The following MAN1B1 variants were observed in gnomAD, a reference collection of about 807,000 sequenced individuals.
MAN1B1 encodes endoplasmic reticulum mannosyl-oligosaccharide 1,2-alpha-mannosidase.
Under a neutral mutation model 75.5 loss-of-function variants are expected in MAN1B1, and 66 were observed. That is an observed-to-expected ratio of 0.87 (90% CI 0.72 to 1.07). The LOEUF is 1.07. Ranked by LOEUF, MAN1B1 falls within the 50% of genes least tolerant of loss-of-function variation. The probability of loss-of-function intolerance (pLI) is 0.00; values close to 1 mark genes in which losing one functional copy is unlikely to be tolerated. For synonymous variants in MAN1B1, 453 were observed against 382.8 expected, an observed-to-expected ratio of 1.18 and a Z score of -2.14; for missense variants, 973 against 912.5, an observed-to-expected ratio of 1.07 and a Z score of -0.85.
intron 5 of MAN1B1, among the ~76,000 whole-genome samples, chr9:137,098,733 T>C (rs1830726172): frequency 6.6e-6 from 1 of 152,056 alleles, no homozygotes; most frequent in Non-Finnish European, 1.5e-5. Context: ...TGGCCGGGCG[T>C]GGTGGCTCAC....
Position 137,106,824 on chromosome 9 carries a change from G to C in MAN1B1, c.1566+15G>C, listed in dbSNP as rs368194212. 6.2e-7 allele frequency: 1 copy of C among 1,611,810 alleles called. No homozygotes were observed. Among genetic ancestry groups the C allele is most frequent in the African/African-American group, 1.3e-5 (1 of 74,926 alleles). ...GTGCCAAGATGGTGAGTGTGTCTGC[G>C]GGGCCTTCCGGCCGCCGCCCCTTTT... is the stretch of plus-strand genomic sequence containing the variant. On this transcript the variant is annotated intron_variant, in intron 10 of 12. Coordinates refer to ENST00000371589, the MANE Select transcript of MAN1B1 (RefSeq NM_016219.5).
rs1358165143 is a variant in MAN1B1 at position 137,107,330 on chromosome 9, C to G, written c.1647C>G (p.Ala549=). Residue 549 remains alanine (A), a synonymous_variant, in exon 11 of 13, where the codon GCC becomes GCG. Transcript: ENST00000371589. ...HGLPASHMEL[A]QELMETCYQM... is the part of the protein sequence containing the mutation. ...TGCCCGCCAGCCACATGGAGCTGGCCCAGGAGCTCATGGAGACTTGTTACC... is the reference window on the plus strand; with the variant it reads ...TGCCCGCCAGCCACATGGAGCTGGCGCAGGAGCTCATGGAGACTTGTTACC... The G allele has an allele frequency of 2.5e-6, 4 of 1,613,258 alleles. No individual in the cohort carries two copies. In the South Asian group the frequency reaches 4.4e-5, roughly 18 times the overall value.
In MAN1B1 at chr9:137,106,242, C is replaced by G; in HGVS notation, c.1372C>G (p.Leu458Val). 6.3e-7 allele frequency: 1 copy of G among 1,596,480 alleles called. No homozygotes were observed. The highest frequency in any genetic ancestry group is 8.5e-7 in the Non-Finnish European group (1 of 1,171,968). The change falls in exon 9 of 13, where the codon CTG (leucine) becomes GTG (valine). Residue 458 changes from leucine to valine, a missense_variant. Transcript: ENST00000371589. ...CTTCACCCACCTGGGCGTATTCACG[C>G]TGGGCGCCAGGGCCGACAGCTACTA... ...GLFTHLGVFT[L>V]GARADSYYEY...
rs1360494188 is a variant in MAN1B1, at chr9:137,099,606, G to A, written c.731-90G>A. On this transcript the variant is annotated intron_variant, in intron 5 of 12. Coordinates refer to ENST00000371589, the MANE Select transcript of MAN1B1 (RefSeq NM_016219.5). ...ACCCACCGTCATCTTTGCCCCATGGGGGTCACAGCAGTGCTCTGCCTGAGG... is the reference window on the plus strand; with the variant it reads ...ACCCACCGTCATCTTTGCCCCATGGAGGTCACAGCAGTGCTCTGCCTGAGG... The A allele has an allele frequency of 5.0e-6, 7 of 1,402,032 alleles. No homozygotes were observed. The East Asian group carries it at 1.4e-4, about 27-fold the overall frequency. 86.8% of individuals were successfully genotyped at this position (1,402,032 alleles called of 1,614,324 possible).
At chr9:137,098,856 A>T (rs1239651120) in intron 5 of MAN1B1, among the ~76,000 whole-genome samples, 1 of 152,062 alleles carries the variant, frequency 6.6e-6, no homozygotes, top group East Asian at 1.9e-4. Context: ...AAAAAAAGAA[A>T]TTTATATATA....
intron 5 of MAN1B1, 148 bp downstream of exon 5, chr9:137,098,085 A>G: frequency 1.5e-6 from 1 of 652,198 alleles, no homozygotes; most frequent in Non-Finnish European, 2.8e-6. Flanking sequence ...GAGTCCTCAC[A>G]GGCTCTGCAA....
intron 5 of MAN1B1, 50 bp from the exon 6 acceptor site, chr9:137,099,646 C>T (rs762224148): frequency 2.6e-5 from 41 of 1,590,150 alleles, no homozygotes; most frequent in Non-Finnish European, 3.3e-5. Flanking sequence ...CCATCTGTGC[C>T]GACGCCAGGA....
chr9:137,098,375 C>T (rs944841001), intron 5 of MAN1B1, among the ~76,000 whole-genome samples: 3 of 152,220 alleles, frequency 2.0e-5, no homozygotes, highest in Non-Finnish European at 4.4e-5. Context: ...CCCTCTGACA[C>T]GATAAGCCAC....
At position 137,108,913 on chromosome 9, in the gene MAN1B1, G is replaced by A. The variant is rs995567664; in HGVS notation, c.*322G>A. On this transcript the variant is annotated 3_prime_UTR_variant, in exon 13 of 13. Coordinates refer to ENST00000371589, the MANE Select transcript of MAN1B1 (RefSeq NM_016219.5). The stretch of plus-strand genomic sequence containing the variant: ...GAGGGGGGCTTCGAGGTGGTCCCTG[G>A]TACTGGGGTGACCGAGTGGACAGCC... 4 of 518,428 alleles carry A rather than the reference G, an allele frequency of 7.7e-6. No individual in the cohort carries two copies. The highest frequency in any genetic ancestry group is 1.5e-5 in the Non-Finnish European group (4 of 268,238). The allele number at this position is 518,428 out of a possible 1,614,324, so 32.1% of individuals were successfully genotyped here.
At position 137,096,401 on chromosome 9, in the gene MAN1B1, G is replaced by A. The variant is rs555579644; in HGVS notation, c.620+10G>A. The A allele has an allele frequency of 8.3e-5, 134 of 1,612,904 alleles. 1 individual carries two copies. The East Asian group carries it at 1.8e-3, about 21-fold the overall frequency. On this transcript the variant is annotated intron_variant, in intron 4 of 12. Transcript: ENST00000371589. ...AGAGGACAGTCATCAGGTACAGAGC[G>A]CAGGGCAGGCTGCACGCCGCCGCTC... is the stretch of plus-strand genomic sequence containing the variant.
At chr9:137,088,391 T>G (rs915523120) in intron 2 of MAN1B1, 2 of 1,580,514 alleles carry the variant, frequency 1.3e-6, no homozygotes, top group African/African-American at 1.3e-5. Flanking sequence ...ACTTTCTAGG[T>G]CTCTGGTGTA....
At chr9:137,091,522 T>TTTTTTA (rs1830514380) in intron 3 of MAN1B1, among the ~76,000 whole-genome samples, 1 of 20,282 alleles carries the variant, frequency 4.9e-5, no homozygotes, top group African/African-American at 1.0e-4. Context: ...TTGTTTTATA[T>TTTTTTA]TTTTTTTTTT....
intron 3 of MAN1B1, among the ~76,000 whole-genome samples, chr9:137,095,419 G>A (rs983936848): frequency 1.3e-5 from 2 of 151,826 alleles, no homozygotes; most frequent in African/African-American, 2.4e-5. Context: ...CAGTAAAGAA[G>A]TACAAAATTA....
intron 3 of MAN1B1, 80 bp from the exon 4 acceptor site, chr9:137,096,157 A>G: frequency 6.8e-7 from 1 of 1,475,504 alleles, no homozygotes; most frequent in Non-Finnish European, 9.5e-7. Context: ...TGTGGGCTGC[A>G]CCTGAGGGCG....
chr9:137,095,204 C>A (rs930042943), intron 3 of MAN1B1, among the ~76,000 whole-genome samples: 1 of 151,906 alleles, frequency 6.6e-6, no homozygotes, highest in Non-Finnish European at 1.5e-5. Flanking sequence ...CAGGCGTGCG[C>A]CACCACGCCT....
chr9:137,096,816 T>C (rs1376869365), intron 4 of MAN1B1, among the ~76,000 whole-genome samples: 1 of 152,218 alleles, frequency 6.6e-6, no homozygotes, highest in Non-Finnish European at 1.5e-5. Context: ...GTCCAGGTAG[T>C]GGATCCCAGT....
intron 12 of MAN1B1, chr9:137,108,102 C>A (rs1002669118): frequency 1.6e-6 from 1 of 607,192 alleles, no homozygotes; most frequent in Non-Finnish European, 2.9e-6. Flanking sequence ...CCGCTCCCAC[C>A]GTCTGCCCTG....
At chr9:137,087,584 C>A in intron 1 of MAN1B1, 1 of 497,948 alleles carries the variant, frequency 2.0e-6, no homozygotes, top group Non-Finnish European at 3.8e-6. Context: ...GAGAAATGAG[C>A]CCCTCTTGAT....
intron 8 of MAN1B1, chr9:137,102,916 A>G (rs201509490): frequency 5.0e-6 from 2 of 399,290 alleles, no homozygotes; most frequent in Non-Finnish European, 9.6e-6. Flanking sequence ...TGTTACACAC[A>G]TTCACGCTGT....
Sources: gnomAD v4.1 joint callset for allele counts (sites outside exome capture counted in the v4.1 genomes callset) on GRCh38, gnomAD v4.1.1 for gene constraint, MANE v1.5 for transcripts, NCBI Gene and HGNC (gene_info 2026-07-23, HGNC 2026-07-21) for gene names.